PECR: variants seen among roughly 807,000 people sequenced by gnomAD.
The protein encoded by PECR is 2,4-dienoyl-CoA reductase-related protein.
PECR carries 30 observed loss-of-function variants against 35.3 expected under a neutral mutation model. The ratio of observed to expected loss-of-function variants is 0.85; its 90% CI spans 0.64 to 1.15. The LOEUF (loss-of-function observed/expected upper bound fraction) is 1.15. Among genes scored for constraint, PECR ranks in the 50% most tolerant of loss-of-function variants. The pLI is 0.00. For synonymous variants in PECR, 148 were observed against 138.9 expected (o/e 1.07, Z -0.46); for missense variants, 392 against 370.8 (o/e 1.06, Z -0.47).
chr2:216,052,245 G>A (rs1241312205), intron 4 of PECR, among the ~76,000 whole-genome samples: 5 of 151,946 alleles, frequency 3.3e-5, no homozygotes, highest in Non-Finnish European at 5.9e-5. Context: ...AATTTCTAAT[G>A]ACAAGATCCT....
chr2:216,068,434 T>C (rs1366431677), intron 1 of PECR, among the ~76,000 whole-genome samples: 5 of 152,088 alleles, frequency 3.3e-5, no homozygotes, highest in Admixed American at 6.6e-5. Flanking sequence ...ATGAAAAAGA[T>C]GGTGAACCTA....
At chr2:216,073,027 G>T (rs752835795) in intron 1 of PECR, among the ~76,000 whole-genome samples, 1 of 152,174 alleles carries the variant, frequency 6.6e-6, no homozygotes, top group African/African-American at 2.4e-5. Context: ...ACTAAAAATG[G>T]TAACAACTTT....
intron 1 of PECR, among the ~76,000 whole-genome samples, chr2:216,070,332 CGG>C (rs1695564532): frequency 6.6e-6 from 1 of 152,158 alleles, no homozygotes; most frequent in African/African-American, 2.4e-5. Context: ...CCACTATTCT[CGG>C]AATTTTGAAA....
At chr2:216,068,804 ATTTTTT>A (rs36012588) in intron 1 of PECR, among the ~76,000 whole-genome samples, 5 of 76,118 alleles carry the variant, frequency 6.6e-5, no homozygotes, top group African/African-American at 2.5e-4. Context: ...TATCTGGCCA[ATTTTTT>A]TTTTTTTTTT....
intron 6 of PECR, among the ~76,000 whole-genome samples, chr2:216,044,805 CA>C (rs1694960718): frequency 6.6e-6 from 1 of 152,202 alleles, no homozygotes; most frequent in Non-Finnish European, 1.5e-5. Flanking sequence ...CCAACCCAAA[CA>C]GAAGGAAGTT....
intron 1 of PECR, among the ~76,000 whole-genome samples, chr2:216,076,903 T>A (rs1344105833): frequency 7.3e-6 from 1 of 137,742 alleles, no homozygotes; most frequent in East Asian, 2.1e-4. Context: ...CCAATTTTAC[T>A]TTTTTTTTTT....
chr2:216,068,762 C>T (rs558225529), intron 1 of PECR, among the ~76,000 whole-genome samples: 10 of 151,416 alleles, frequency 6.6e-5, no homozygotes, highest in South Asian at 2.1e-4. Flanking sequence ...CCCAGCCTCC[C>T]GAGTAGCTGG....
chr2:216,081,670 G>A lies in PECR; in HGVS notation c.72C>T (p.Thr24=), dbSNP rs1342714620. The stretch of plus-strand genomic sequence containing the variant: ...CTTTTCCGATGCCCGTGGCCCCGCC[G>A]GTGACGATGGCCACTTGGCCCTGCA... ...GLLQGQVAIV[T]GGATGIGKAI... The change falls in exon 1 of 8, where the codon ACC becomes ACT. Residue 24 remains threonine, a synonymous_variant. Coordinates refer to ENST00000265322, the MANE Select transcript of PECR (RefSeq NM_018441.6). 1.2e-6 allele frequency: 2 copies of A among 1,613,580 alleles called. No homozygotes were observed. Among genetic ancestry groups the A allele is most frequent in the African/African-American group, 2.7e-5 (2 of 74,950 alleles).
intron 1 of PECR, among the ~76,000 whole-genome samples, chr2:216,072,050 A>G (rs1419278740): frequency 6.6e-6 from 1 of 152,246 alleles, no homozygotes; most frequent in Admixed American, 6.5e-5. Context: ...TATATTTTAA[A>G]GATGAGGTCT....
At chr2:216,046,277 TATATATATATACATAC>T (rs1176207746) in intron 6 of PECR, among the ~76,000 whole-genome samples, 213 of 34,078 alleles carry the variant, frequency 6.3e-3, no homozygotes, top group African/African-American at 0.016. Flanking sequence ...CCACATAAAG[TATATATATATACATAC>T]ATATATATAT....
intron 1 of PECR, among the ~76,000 whole-genome samples, chr2:216,075,194 G>C (rs558202695): frequency 1.3e-5 from 2 of 152,210 alleles, no homozygotes; most frequent in South Asian, 2.1e-4. Flanking sequence ...TTTCAGACAG[G>C]AGTTCGAGGC....
chr2:216,054,371 C>CTTTTT (rs34214360), intron 4 of PECR, among the ~76,000 whole-genome samples: 1 of 102,780 alleles, frequency 9.7e-6, no homozygotes, highest in Non-Finnish European at 1.9e-5. Context: ...TTTTTTCTTT[C>CTTTTT]TTTTTTTTTT....
rs878889585 is a variant in PECR, at chr2:216,051,627, T to C, written c.507-82A>G. On this transcript the variant is annotated intron_variant, in intron 4 of 7. Coordinates refer to ENST00000265322, the MANE Select transcript of PECR (RefSeq NM_018441.6). ...TCATCAAGCTCACAAGTGTGCCAAC[T>C]ACCTGACAGAATTCCACAAGAGACT... 9.2e-6 allele frequency: 8 copies of C among 867,792 alleles called. No homozygotes were observed. In the South Asian group the frequency reaches 9.4e-5, roughly 10 times the overall value. 53.8% of individuals were successfully genotyped at this position (867,792 alleles called of 1,614,324 possible).
intron 1 of PECR, among the ~76,000 whole-genome samples, chr2:216,078,833 G>C (rs1012675131): frequency 2.0e-5 from 3 of 152,140 alleles, no homozygotes; most frequent in Non-Finnish European, 4.4e-5. Flanking sequence ...CAGGGGTGTA[G>C]TTTTTGGCCA....
chr2:216,063,107 TA>T lies in PECR; in HGVS notation c.424+2204del, dbSNP rs200688837. On this transcript the variant is annotated intron_variant, in intron 3 of 7. Coordinates refer to ENST00000265322, the MANE Select transcript of PECR (RefSeq NM_018441.6). ...GCACACATAAATACATACTTTTTTT[TA>T]ACAGAAATGTGAACATGTTGGATAA... Among the ~76,000 whole-genome samples, 923 of 152,348 alleles carry T rather than the reference TA, an allele frequency of 6.1e-3. 14 individuals carry two copies. The highest frequency in any genetic ancestry group is 0.021 in the African/African-American group (877 of 41,584).
At position 216,054,374 on chromosome 2, in the gene PECR, T is replaced by TC. The variant is rs975142399; in HGVS notation, c.507-2830_507-2829insG. Among the ~76,000 whole-genome samples, 7 of 126,030 alleles carry TC rather than the reference T, an allele frequency of 5.6e-5. No individual in the cohort carries two copies. In the East Asian group the frequency reaches 1.0e-3, roughly 18 times the overall value. 82.7% of individuals were successfully genotyped at this position (126,030 alleles called of 152,430 possible). A position where few individuals can be genotyped will look rare whatever the true frequency, so the allele number is the denominator to read the frequency against. On this transcript the variant is annotated intron_variant, in intron 4 of 7. Coordinates refer to ENST00000265322, the MANE Select transcript of PECR (RefSeq NM_018441.6). ...GTCACTAAGTTCTTTTTTCTTTCTT[T>TC]TTTTTTTTTTTTTTTTGGAGGGGGT... is the stretch of plus-strand genomic sequence containing the variant.
chr2:216,051,417 T>C lies in PECR; in HGVS notation c.603+32A>G, dbSNP rs182653439. ...AAATGGAATCAGAAAGCATAATTTG[T>C]CAATAAATTTCAATATAGATCGTTT... On this transcript the variant is annotated intron_variant, in intron 5 of 7. Coordinates refer to ENST00000265322, the MANE Select transcript of PECR (RefSeq NM_018441.6). The C allele has an allele frequency of 5.4e-5, 67 of 1,250,438 alleles. No homozygotes were observed. In the East Asian group the frequency reaches 1.4e-3, roughly 27 times the overall value. 77.5% of individuals were successfully genotyped at this position (1,250,438 alleles called of 1,614,324 possible). A position where few individuals can be genotyped will look rare whatever the true frequency, so the allele number is the denominator to read the frequency against.
At chr2:216,064,646 A>G (rs1427835108) in intron 3 of PECR, among the ~76,000 whole-genome samples, 1 of 152,234 alleles carries the variant, frequency 6.6e-6, no homozygotes, top group Non-Finnish European at 1.5e-5. Context: ...GAACAACCCA[A>G]CTTGTATCAC....
At chr2:216,054,522 G>T (rs1466663652) in intron 4 of PECR, among the ~76,000 whole-genome samples, 1 of 151,468 alleles carries the variant, frequency 6.6e-6, no homozygotes, top group Non-Finnish European at 1.5e-5. Flanking sequence ...TTTTAGTAGA[G>T]ATGGGGTTTC....
Sources: allele counts gnomAD v4.1 joint callset (sites outside exome capture counted in the v4.1 genomes callset), GRCh38; gene constraint gnomAD v4.1.1; transcripts MANE v1.5; gene names NCBI Gene and HGNC (gene_info 2026-07-23, HGNC 2026-07-21).